NAV2: variants seen among roughly 807,000 people sequenced by gnomAD.
NAV2 encodes the protein neuron navigator 2.
In NAV2, 54 loss-of-function variants were observed where a neutral mutation model predicts 223.2. The observed-to-expected ratio is 0.24, with a 90% confidence interval of 0.19 to 0.30. The LOEUF (loss-of-function observed/expected upper bound fraction) is 0.30, where lower values mean the gene tolerates loss of function less well. NAV2 is among the 10% of genes least tolerant of loss of function. The probability of loss-of-function intolerance (pLI) is 1.00; values close to 1 mark genes in which losing one functional copy is unlikely to be tolerated. For synonymous variants in NAV2, 1,279 were observed against 1,239.3 expected (o/e 1.03, Z -0.67); for missense variants, 2,806 against 3,147.5 (o/e 0.89, Z 2.60).
chr11:20,108,047 G>A (rs1470114580), intron 36 of NAV2, among the ~76,000 whole-genome samples: 1 of 152,216 alleles, frequency 6.6e-6, no homozygotes, highest in East Asian at 1.9e-4. Context: ...CAAAGAGTTT[G>A]TTGCAAGGAT....
At chr11:19,934,461 C>T (rs1162040480) in intron 7 of NAV2, among the ~76,000 whole-genome samples, 184 bp downstream of exon 7, 1 of 152,100 alleles carries the variant, frequency 6.6e-6, no homozygotes, top group Non-Finnish European at 1.5e-5. Context: ...GCAGTTCATA[C>T]AGCACAGGTT....
At chr11:19,486,815 A>G (rs1052046771) in intron 1 of NAV2, among the ~76,000 whole-genome samples, 1 of 152,170 alleles carries the variant, frequency 6.6e-6, no homozygotes, top group Non-Finnish European at 1.5e-5. Flanking sequence ...GAAGCCACCC[A>G]TGAATTAGTG....
chr11:19,537,732 T>A (rs948745202), intron 1 of NAV2, among the ~76,000 whole-genome samples: 1 of 152,256 alleles, frequency 6.6e-6, no homozygotes, highest in African/African-American at 2.4e-5. Context: ...CAGGTATATC[T>A]GATCTAGTCT....
chr11:19,654,550 A>G (rs887531284), intron 1 of NAV2, among the ~76,000 whole-genome samples: 37 of 152,330 alleles, frequency 2.4e-4, no homozygotes, highest in Admixed American at 1.9e-3. Context: ...AGAGTTATAG[A>G]CCAATGGAAC....
chr11:19,455,490 A>G (rs1040601940), intron 1 of NAV2, among the ~76,000 whole-genome samples: 25 of 152,218 alleles, frequency 1.6e-4, no homozygotes, highest in African/African-American at 6.0e-4. Context: ...TGAATTGTAC[A>G]TAATCTCTCT....
At chr11:19,685,314 G>A (rs927909960) in intron 1 of NAV2, among the ~76,000 whole-genome samples, 9 of 152,164 alleles carry the variant, frequency 5.9e-5, no homozygotes, top group Non-Finnish European at 1.2e-4. Context: ...TCCATCAGTG[G>A]GGAGCAGTTG....
At chr11:19,974,953 A>G (rs2049582446) in intron 10 of NAV2, among the ~76,000 whole-genome samples, 1 of 152,200 alleles carries the variant, frequency 6.6e-6, no homozygotes, top group Non-Finnish European at 1.5e-5. Flanking sequence ...TGGAATAAGC[A>G]TTTTGGTCAG....
At chr11:19,884,541 G>A (rs553400623) in intron 5 of NAV2, among the ~76,000 whole-genome samples, 41 of 152,256 alleles carry the variant, frequency 2.7e-4, no homozygotes, top group Non-Finnish European at 1.3e-4. Context: ...AGTGGCCATG[G>A]GATTGTTGCA....
At chr11:19,679,425 T>G (rs55974238) in intron 1 of NAV2, among the ~76,000 whole-genome samples, 1 of 139,822 alleles carries the variant, frequency 7.2e-6, no homozygotes, top group African/African-American at 2.5e-5. Flanking sequence ...AACGAGACTC[T>G]GTCTCAAAAA....
At chr11:20,093,918 G>C (rs1459060422) in intron 29 of NAV2, among the ~76,000 whole-genome samples, 2 of 152,166 alleles carry the variant, frequency 1.3e-5, no homozygotes, top group African/African-American at 2.4e-5. Context: ...GGCCTCATGA[G>C]TCACCATTTC....
rs553256514 is a variant in NAV2 at position 19,805,211 on chromosome 11, T to A, written c.268-27273T>A. Among the ~76,000 whole-genome samples the A allele has an allele frequency of 5.3e-5, 8 of 152,342 alleles. No homozygotes were observed. In the East Asian group the frequency reaches 1.5e-3, roughly 29 times the overall value. On this transcript the variant is annotated intron_variant, in intron 1 of 37. Coordinates refer to ENST00000349880, the MANE Select transcript of NAV2 (RefSeq NM_145117.5). ...CAGCTGAGAGATGAGGCAGTCTTAATGATGGGTGATGGCTGATTCAGCAAA... is the reference window on the plus strand; with the variant it reads ...CAGCTGAGAGATGAGGCAGTCTTAAAGATGGGTGATGGCTGATTCAGCAAA...
At chr11:19,356,022 T>G (rs1853595437) in intron 1 of NAV2, among the ~76,000 whole-genome samples, 1 of 152,216 alleles carries the variant, frequency 6.6e-6, no homozygotes, top group Non-Finnish European at 1.5e-5. Flanking sequence ...TGGGCCAGTG[T>G]TTGCTGCTGC....
At chr11:19,944,060 G>T (rs917056931) in intron 8 of NAV2, among the ~76,000 whole-genome samples, 19 of 152,126 alleles carry the variant, frequency 1.2e-4, no homozygotes, top group Non-Finnish European at 2.6e-4. Context: ...ATTTAGCCGG[G>T]TGTGGTGGCG....
chr11:20,012,445 GC>G (rs1379409629), intron 11 of NAV2, among the ~76,000 whole-genome samples: 1 of 152,150 alleles, frequency 6.6e-6, no homozygotes, highest in Non-Finnish European at 1.5e-5. Context: ...GGAGGCCGAG[GC>G]AGGTGGATCA....
chr11:19,676,795 T>G (rs2048726060), intron 1 of NAV2, among the ~76,000 whole-genome samples: 1 of 152,214 alleles, frequency 6.6e-6, no homozygotes, highest in African/African-American at 2.4e-5. Flanking sequence ...GCGACTCAAT[T>G]CATCTTCTAA....
At chr11:19,432,994 G>T (rs1286828576) in intron 1 of NAV2, among the ~76,000 whole-genome samples, 2 of 152,134 alleles carry the variant, frequency 1.3e-5, no homozygotes, top group Non-Finnish European at 2.9e-5. Flanking sequence ...CTCAAACTGT[G>T]GCCAGCTCCT....
chr11:20,054,333 G>A, intron 18 of NAV2, 93 bp downstream of exon 18: 1 of 1,319,778 alleles, frequency 7.6e-7, no homozygotes, highest in Non-Finnish European at 1.0e-6. Flanking sequence ...AATAGTTTTT[G>A]GGGAGCAGGT....
intron 32 of NAV2, among the ~76,000 whole-genome samples, chr11:20,102,218 G>T (rs1333937593): frequency 1.3e-5 from 2 of 152,130 alleles, no homozygotes; most frequent in Admixed American, 6.5e-5. Context: ...GGTGAAGAGG[G>T]ACTAAGAGAA....
intron 25 of NAV2, chr11:20,082,645 C>T: frequency 6.3e-7 from 1 of 1,580,728 alleles, no homozygotes; most frequent in Non-Finnish European, 8.7e-7. Flanking sequence ...CTAACCCATC[C>T]ATTGATATGA....
Sources: allele counts gnomAD v4.1 joint callset (sites outside exome capture counted in the v4.1 genomes callset), GRCh38; gene constraint gnomAD v4.1.1; transcripts MANE v1.5; gene names NCBI Gene and HGNC (gene_info 2026-07-23, HGNC 2026-07-21).